PRKG1: variants seen among roughly 807,000 people sequenced by gnomAD.
PRKG1 encodes protein kinase cGMP-dependent 1.
Under a neutral mutation model 88.1 loss-of-function variants are expected in PRKG1, and 35 were observed. That is an observed-to-expected ratio of 0.40 (90% confidence interval 0.30 to 0.53). The LOEUF (loss-of-function observed/expected upper bound fraction) is 0.53, where lower values mean the gene tolerates loss of function less well. Among genes scored for constraint, PRKG1 ranks in the 20% least tolerant of loss-of-function variants. The pLI is 0.59. For missense variants in PRKG1, 540 were observed against 839.8 expected (o/e 0.64, Z 4.41); for synonymous variants, 303 against 292.5 (o/e 1.04, Z -0.37).
rs551773975 is a variant in PRKG1, at chr10:51,777,414, T to C, written c.593-27171T>C. On this transcript the variant is annotated intron_variant, in intron 3 of 17. Coordinates refer to ENST00000373980, the MANE Select transcript of PRKG1 (RefSeq NM_006258.4). ...CACATCTTTTGGGTTCACATAGCATTCTGTGCATCTATCATTAGTCTATTC... is the reference window on the plus strand; with the variant it reads ...CACATCTTTTGGGTTCACATAGCATCCTGTGCATCTATCATTAGTCTATTC... 1.8e-4 allele frequency among the ~76,000 whole-genome samples: 27 copies of C among 152,272 alleles called. No individual in the cohort carries two copies. The South Asian group carries it at 4.8e-3, about 27-fold the overall frequency.
intron 2 of PRKG1, among the ~76,000 whole-genome samples, chr10:51,200,020 A>G (rs1318714087): frequency 6.6e-6 from 1 of 152,242 alleles, no homozygotes; most frequent in Non-Finnish European, 1.5e-5. Flanking sequence ...CACTAGGGAC[A>G]TACAAAAGAA....
At chr10:51,608,311 C>T (rs563975899) in intron 3 of PRKG1, among the ~76,000 whole-genome samples, 82 of 152,272 alleles carry the variant, frequency 5.4e-4, no homozygotes, top group Middle Eastern at 6.8e-3. Context: ...ACCACAAATC[C>T]TTCTCCCTGA....
chr10:51,350,734 A>G (rs947930604), intron 2 of PRKG1, among the ~76,000 whole-genome samples: 7 of 152,232 alleles, frequency 4.6e-5, no homozygotes, highest in Admixed American at 6.5e-5. Context: ...CAAGTTGCAG[A>G]ACAAGAAATC....
At chr10:51,431,632 G>A (rs1031723513) in intron 2 of PRKG1, among the ~76,000 whole-genome samples, 1 of 152,122 alleles carries the variant, frequency 6.6e-6, no homozygotes, top group Non-Finnish European at 1.5e-5. Context: ...ACAGCTCTGA[G>A]AGGGGCAGTC....
chr10:51,602,780 G>GTGTATA (rs1267497718), intron 3 of PRKG1, among the ~76,000 whole-genome samples: 1 of 126,486 alleles, frequency 7.9e-6, no homozygotes, highest in Non-Finnish European at 1.5e-5. Context: ...GTGTGTGTGT[G>GTGTATA]TATATATTCA....
chr10:51,028,421 G>T (rs894728287), intron 1 of PRKG1, among the ~76,000 whole-genome samples: 4 of 152,140 alleles, frequency 2.6e-5, no homozygotes, highest in African/African-American at 7.2e-5. Flanking sequence ...ATGTAAGTTG[G>T]CCAGTAACTA....
Position 51,273,220 on chromosome 10 carries a change from A to G in PRKG1, c.478+119890A>G, listed in dbSNP as rs574734292. On this transcript the variant is annotated intron_variant, in intron 2 of 17. Coordinates refer to ENST00000373980, the MANE Select transcript of PRKG1 (RefSeq NM_006258.4). ...CCAAATTTGATATGAATGACCATCA[A>G]AATCAGAAGGCTAGGCATCGTGGCT... Among the ~76,000 whole-genome samples, 3 of 152,160 alleles carry G rather than the reference A, an allele frequency of 2.0e-5. No homozygotes were observed. The South Asian group carries it at 6.2e-4, about 32-fold the overall frequency.
At chr10:51,855,108 AT>A (rs1589359097) in intron 4 of PRKG1, among the ~76,000 whole-genome samples, 1 of 152,208 alleles carries the variant, frequency 6.6e-6, no homozygotes, top group East Asian at 1.9e-4. Flanking sequence ...GTAAAAGGTT[AT>A]TATTCCTAAA....
chr10:51,399,075 A>G (rs1202410638), intron 2 of PRKG1, among the ~76,000 whole-genome samples: 1 of 152,110 alleles, frequency 6.6e-6, no homozygotes, highest in African/African-American at 2.4e-5. Flanking sequence ...ATTTTATTGT[A>G]TATAAATCTC....
intron 2 of PRKG1, among the ~76,000 whole-genome samples, chr10:51,456,900 T>A (rs1839601353): frequency 6.6e-6 from 1 of 152,138 alleles, no homozygotes; most frequent in African/African-American, 2.4e-5. Context: ...ACCTTACTCC[T>A]ACAAGAATGG....
At chr10:51,797,262 A>G (rs1008319890) in intron 3 of PRKG1, among the ~76,000 whole-genome samples, 2 of 150,486 alleles carry the variant, frequency 1.3e-5, no homozygotes, top group Non-Finnish European at 3.0e-5. Context: ...TTATCTAGCC[A>G]AGTAAATACA....
chr10:51,429,597 A>G (rs1046289803), intron 2 of PRKG1, among the ~76,000 whole-genome samples: 5 of 152,212 alleles, frequency 3.3e-5, no homozygotes, highest in African/African-American at 1.2e-4. Context: ...AAAGTATGAC[A>G]GCAATGACTC....
At chr10:51,604,002 T>A (rs1436122539) in intron 3 of PRKG1, among the ~76,000 whole-genome samples, 1 of 152,024 alleles carries the variant, frequency 6.6e-6, no homozygotes, top group Non-Finnish European at 1.5e-5. Flanking sequence ...TGTGTCCTTA[T>A]AAGACTTTAT....
At chr10:51,962,417 A>G (rs1168312375) in intron 5 of PRKG1, among the ~76,000 whole-genome samples, 1 of 152,160 alleles carries the variant, frequency 6.6e-6, no homozygotes, top group Non-Finnish European at 1.5e-5. Context: ...ATTCCATGAA[A>G]TAATAAATAC....
intron 3 of PRKG1, among the ~76,000 whole-genome samples, chr10:51,491,983 C>T (rs1840718361): frequency 6.6e-6 from 1 of 152,144 alleles, no homozygotes; most frequent in South Asian, 2.1e-4. Flanking sequence ...GAAAGAACCA[C>T]AGCTTTCTGA....
intron 4 of PRKG1, among the ~76,000 whole-genome samples, chr10:51,898,220 T>C (rs142519018): frequency 6.6e-6 from 1 of 152,286 alleles, no homozygotes; most frequent in East Asian, 1.9e-4. Context: ...GACATCCTGG[T>C]TACCCTGTTT....
intron 3 of PRKG1, among the ~76,000 whole-genome samples, chr10:51,711,967 C>A (rs574586717): frequency 3.3e-5 from 5 of 152,216 alleles, no homozygotes; most frequent in African/African-American, 1.2e-4. Context: ...ACCCATTCTG[C>A]ATTCATGGCT....
chr10:51,028,755 C>A (rs1420670449), intron 1 of PRKG1, among the ~76,000 whole-genome samples: 1 of 152,038 alleles, frequency 6.6e-6, no homozygotes, highest in African/African-American at 2.4e-5. Context: ...GTGGCAAAAC[C>A]AGGCAGGATA....
At chr10:51,918,967 A>C (rs1842403653) in intron 5 of PRKG1, among the ~76,000 whole-genome samples, 1 of 152,194 alleles carries the variant, frequency 6.6e-6, no homozygotes, top group African/African-American at 2.4e-5. Flanking sequence ...CGTGCTTACA[A>C]GTAACAGGCT....
Sources: gnomAD v4.1 joint callset for allele counts (sites outside exome capture counted in the v4.1 genomes callset) on GRCh38, gnomAD v4.1.1 for gene constraint, MANE v1.5 for transcripts, NCBI Gene and HGNC (gene_info 2026-07-23, HGNC 2026-07-21) for gene names.